Variants in FHIT observed in about 807,000 individuals in gnomAD.
FHIT encodes fragile histidine triad diadenosine triphosphatase.
FHIT carries 19 observed loss-of-function variants against 17.9 expected under a neutral mutation model. The ratio of observed to expected loss-of-function variants is 1.06; its 90% CI spans 0.74 to 1.56. The LOEUF is 1.56. FHIT is among the 40% of genes most tolerant of loss of function. The pLI, the probability that FHIT is intolerant of heterozygous loss-of-function variation, is 0.00. For synonymous variants in FHIT, 81 were observed against 69.7 expected, an observed-to-expected ratio of 1.16 and a Z score of -0.81; for missense variants, 248 against 189.2, an observed-to-expected ratio of 1.31 and a Z score of -1.82.
intron 2 of FHIT, among the ~76,000 whole-genome samples, chr3:61,147,443 C>T (rs1308948381): frequency 6.6e-6 from 1 of 151,842 alleles, no homozygotes; most frequent in Non-Finnish European, 1.5e-5. Flanking sequence ...CATGTTGGCT[C>T]ACTATAAGGT....
chr3:59,938,435 T>G (rs916040199), intron 7 of FHIT, among the ~76,000 whole-genome samples: 1 of 152,056 alleles, frequency 6.6e-6, no homozygotes, highest in Non-Finnish European at 1.5e-5. Flanking sequence ...GGTCAGAGAA[T>G]AGTAAGCAGC....
rs1056419192 is a variant in FHIT at position 61,106,934 on chromosome 3, C to T, written c.-163-64835G>A. Among the ~76,000 whole-genome samples the T allele has an allele frequency of 3.3e-5, 5 of 152,186 alleles. No homozygotes were observed. The South Asian group carries it at 6.2e-4, about 19-fold the overall frequency. Reference sequence around the variant, plus strand: ...TCGGCCTCCCAAAGTGCTGGGATTACAGGCATGAACCACCATGCCTGGCCC... The same window carrying T: ...TCGGCCTCCCAAAGTGCTGGGATTATAGGCATGAACCACCATGCCTGGCCC... On this transcript the variant is annotated intron_variant, in intron 2 of 9. Transcript: ENST00000492590.
rs528947047 is a variant in FHIT, at chr3:60,435,385, G to A, written c.103+101475C>T. Among the ~76,000 whole-genome samples, 19 of 152,168 alleles carry A rather than the reference G, an allele frequency of 1.2e-4. No homozygotes were observed. In the East Asian group the frequency reaches 3.7e-3, roughly 29 times the overall value. ...CTGTTTTTAACAACTCTCCTGATGTGATTGAGGAGTTGATGTACTATTGGG... is the reference window on the plus strand; with the variant it reads ...CTGTTTTTAACAACTCTCCTGATGTAATTGAGGAGTTGATGTACTATTGGG... On this transcript the variant is annotated intron_variant, in intron 5 of 9. Coordinates refer to ENST00000492590, the MANE Select transcript of FHIT (RefSeq NM_002012.4).
rs1035141087 is a variant in FHIT at position 60,339,878 on chromosome 3, G to T, written c.103+196982C>A. On this transcript the variant is annotated intron_variant, in intron 5 of 9. Coordinates refer to ENST00000492590, the MANE Select transcript of FHIT (RefSeq NM_002012.4). ...TTTAATGTTCTCCTGAACCATTGCA[G>T]ACTTTGAGATTTTTTTTTAAAGGCT... is the stretch of plus-strand genomic sequence containing the variant. Among the ~76,000 whole-genome samples the T allele has an allele frequency of 2.6e-5, 4 of 152,066 alleles. No individual in the cohort carries two copies. In the East Asian group the frequency reaches 7.7e-4, roughly 29 times the overall value.
At chr3:61,018,328 G>C (rs1171387630) in intron 3 of FHIT, among the ~76,000 whole-genome samples, 1 of 152,174 alleles carries the variant, frequency 6.6e-6, no homozygotes, top group African/African-American at 2.4e-5. Context: ...ATTTAGAAAA[G>C]ATGAAGGAGA....
chr3:61,126,318 T>C (rs1052180133), intron 2 of FHIT, among the ~76,000 whole-genome samples: 2 of 152,162 alleles, frequency 1.3e-5, no homozygotes, highest in African/African-American at 4.8e-5. Flanking sequence ...GACAATTGTA[T>C]TAGTCCATTT....
chr3:59,872,547 T>TA (rs1702970119), intron 8 of FHIT, among the ~76,000 whole-genome samples: 1 of 152,220 alleles, frequency 6.6e-6, no homozygotes, highest in African/African-American at 2.4e-5. Context: ...CAATGTCTGT[T>TA]ATTAACAGAA....
At chr3:60,358,883 A>T (rs1465978707) in intron 5 of FHIT, among the ~76,000 whole-genome samples, 1 of 152,250 alleles carries the variant, frequency 6.6e-6, no homozygotes, top group Non-Finnish European at 1.5e-5. Context: ...ACTAACTCAT[A>T]GAATTGATGG....
chr3:59,748,047 G>C lies in FHIT; in HGVS notation c.*1538C>G, dbSNP rs1397980333. On this transcript the variant is annotated 3_prime_UTR_variant, in exon 10 of 10. Coordinates refer to ENST00000492590, the MANE Select transcript of FHIT (RefSeq NM_002012.4). Reference sequence around the variant, plus strand: ...AGAATTAAATGCCCCTCTAATGGTGGCTAGCCTCACTTTTTAACACAGAGA... The same window carrying C: ...AGAATTAAATGCCCCTCTAATGGTGCCTAGCCTCACTTTTTAACACAGAGA... Among the ~76,000 whole-genome samples the C allele has an allele frequency of 6.6e-6, 1 of 152,096 alleles. No individual in the cohort carries two copies. Among genetic ancestry groups the C allele is most frequent in the Non-Finnish European group, 1.5e-5 (1 of 68,000 alleles).
chr3:60,251,430 A>G (rs1057410897), intron 5 of FHIT, among the ~76,000 whole-genome samples: 9 of 152,202 alleles, frequency 5.9e-5, no homozygotes, highest in Non-Finnish European at 1.3e-4. Context: ...AACATCTTCA[A>G]TTGCACAAAA....
intron 1 of FHIT, among the ~76,000 whole-genome samples, chr3:61,242,093 C>A (rs564051237): frequency 1.3e-5 from 2 of 151,932 alleles, no homozygotes; most frequent in Non-Finnish European, 2.9e-5. Context: ...GTTCCTGGAC[C>A]GTTGATATAA....
chr3:59,860,325 C>T (rs760366792), intron 8 of FHIT, among the ~76,000 whole-genome samples: 15 of 151,950 alleles, frequency 9.9e-5, no homozygotes, highest in African/African-American at 2.4e-4. Context: ...AAAGAAGATT[C>T]GGTATAAAGA....
intron 5 of FHIT, among the ~76,000 whole-genome samples, chr3:60,487,642 T>G (rs1024822859): frequency 2.6e-5 from 4 of 152,228 alleles, no homozygotes; most frequent in Admixed American, 1.3e-4. Flanking sequence ...GCTTGGAGCT[T>G]CCTGCAGTGC....
intron 5 of FHIT, among the ~76,000 whole-genome samples, chr3:60,323,988 G>GT (rs5849352): frequency 2.7e-5 from 4 of 149,350 alleles, no homozygotes; most frequent in African/African-American, 5.1e-5. Flanking sequence ...AGGTAGGGCA[G>GT]TTTTTTTTAA....
intron 4 of FHIT, among the ~76,000 whole-genome samples, chr3:60,816,567 G>C (rs1584337): frequency 0.28 from 42,909 of 151,858 alleles, 6,683 homozygotes; most frequent in Non-Finnish European, 0.34. Flanking sequence ...GACCAAATTT[G>C]CATGCCAGAA....
intron 5 of FHIT, among the ~76,000 whole-genome samples, chr3:60,063,164 C>T (rs1013592711): frequency 6.6e-6 from 1 of 152,098 alleles, no homozygotes; most frequent in African/African-American, 2.4e-5. Flanking sequence ...GTGGAGAGAA[C>T]TTTAACTTCT....
intron 1 of FHIT, among the ~76,000 whole-genome samples, chr3:61,212,802 T>C (rs983661998): frequency 2.6e-5 from 4 of 152,174 alleles, no homozygotes; most frequent in African/African-American, 9.7e-5. Flanking sequence ...ACAGCGGATA[T>C]CTCGGCAGAA....
At chr3:60,432,107 C>G (rs1219740889) in intron 5 of FHIT, among the ~76,000 whole-genome samples, 1 of 152,110 alleles carries the variant, frequency 6.6e-6, no homozygotes, top group Non-Finnish European at 1.5e-5. Context: ...TCCTGAGTAG[C>G]TGGGACTACA....
chr3:60,511,638 T>G (rs973898842), intron 5 of FHIT, among the ~76,000 whole-genome samples: 2 of 152,112 alleles, frequency 1.3e-5, no homozygotes, highest in African/African-American at 4.8e-5. Context: ...TATGTATACA[T>G]ATTTTCCAGT....
Sources: gnomAD v4.1 joint callset for allele counts (sites outside exome capture counted in the v4.1 genomes callset) on GRCh38, gnomAD v4.1.1 for gene constraint, MANE v1.5 for transcripts, NCBI Gene and HGNC (gene_info 2026-07-23, HGNC 2026-07-21) for gene names.